Variants in PLCXD3 observed in about 807,000 individuals in gnomAD.
PLCXD3 encodes the protein phosphatidylinositol specific phospholipase C X domain containing 3, also known as PI-PLC X domain-containing protein 3.
In PLCXD3, 19 loss-of-function variants were observed where a neutral mutation model predicts 25.5. The observed-to-expected ratio is 0.75, with a 90% confidence interval of 0.52 to 1.09. The LOEUF is 1.09. Among genes scored for constraint, PLCXD3 ranks in the 50% least tolerant of loss-of-function variants. The pLI is 0.00. For missense variants in PLCXD3, 411 were observed against 388.1 expected (o/e 1.06, Z -0.50); for synonymous variants, 174 against 137.6 (o/e 1.26, Z -1.85).
intron 2 of PLCXD3, among the ~76,000 whole-genome samples, chr5:41,328,997 C>T (rs1743711671): frequency 6.6e-6 from 1 of 152,168 alleles, no homozygotes; most frequent in African/African-American, 2.4e-5. Context: ...TGAACAATGG[C>T]CACTAGAGGT....
rs562380112 is a variant in PLCXD3, at chr5:41,312,984, A to G, written c.*633T>C. ...ATATTTATAGCTGCCTTAAATAGAAATACTGTGAAACACTATTATTTTCAT... is the reference window on the plus strand; with the variant it reads ...ATATTTATAGCTGCCTTAAATAGAAGTACTGTGAAACACTATTATTTTCAT... On this transcript the variant is annotated 3_prime_UTR_variant, in exon 3 of 3. Transcript: ENST00000377801. 6.6e-6 allele frequency: 1 copy of G among 152,610 alleles called. No individual in the cohort carries two copies. 9.5% of individuals were successfully genotyped at this position (152,610 alleles called of 1,614,324 possible). A position where few individuals can be genotyped will look rare whatever the true frequency, so the allele number is the denominator to read the frequency against.
At chr5:41,335,008 T>C (rs1743939835) in intron 2 of PLCXD3, among the ~76,000 whole-genome samples, 1 of 152,190 alleles carries the variant, frequency 6.6e-6, no homozygotes, top group Admixed American at 6.5e-5. Context: ...AGATTTCGAT[T>C]GCCAGGAAAC....
chr5:41,487,144 C>A (rs1435446840), intron 1 of PLCXD3, among the ~76,000 whole-genome samples: 2 of 152,106 alleles, frequency 1.3e-5, no homozygotes, highest in African/African-American at 4.8e-5. Context: ...TGTGATTGCA[C>A]TTGTAGTGCC....
rs564381397 is a variant in PLCXD3, at chr5:41,324,552, G to C, written c.813-10782C>G. On this transcript the variant is annotated intron_variant, in intron 2 of 2. Coordinates refer to ENST00000377801, the MANE Select transcript of PLCXD3 (RefSeq NM_001005473.3). ...GAGACATTTGGTCCCCACAGCAATA[G>C]TTTTAGAAGATAATTCTATCTTAAA... Among the ~76,000 whole-genome samples, 7 of 152,274 alleles carry C rather than the reference G, an allele frequency of 4.6e-5. 1 individual carries two copies. Among genetic ancestry groups the C allele is most frequent in the African/African-American group, 1.4e-4 (6 of 41,554 alleles).
At chr5:41,478,277 A>C (rs1386755212) in intron 1 of PLCXD3, among the ~76,000 whole-genome samples, 1 of 152,236 alleles carries the variant, frequency 6.6e-6, no homozygotes, top group Non-Finnish European at 1.5e-5. Flanking sequence ...AAAGGGCTTG[A>C]CATAGATACT....
At chr5:41,352,052 A>C (rs762714503) in intron 2 of PLCXD3, among the ~76,000 whole-genome samples, 34 of 152,248 alleles carry the variant, frequency 2.2e-4, no homozygotes, top group Non-Finnish European at 4.4e-4. Context: ...GTATTAACTT[A>C]TGCAAGCTAA....
intron 1 of PLCXD3, among the ~76,000 whole-genome samples, chr5:41,506,986 C>A (rs1458702969): frequency 6.6e-6 from 1 of 152,098 alleles, no homozygotes; most frequent in Non-Finnish European, 1.5e-5. Flanking sequence ...TTAGAGAATG[C>A]AAAGCAGACC....
chr5:41,437,523 G>C (rs990130694), intron 1 of PLCXD3, among the ~76,000 whole-genome samples: 1 of 152,202 alleles, frequency 6.6e-6, no homozygotes, highest in African/African-American at 2.4e-5. Context: ...TGAAAAGGAA[G>C]GAGCAATGGA....
At chr5:41,407,214 G>A (rs1467401469) in intron 1 of PLCXD3, among the ~76,000 whole-genome samples, 1 of 152,142 alleles carries the variant, frequency 6.6e-6, no homozygotes, top group African/African-American at 2.4e-5. Context: ...TATGTAACTG[G>A]ATAGGCAGTG....
At chr5:41,340,427 C>T (rs2150477503) in intron 2 of PLCXD3, among the ~76,000 whole-genome samples, 1 of 152,238 alleles carries the variant, frequency 6.6e-6, no homozygotes, top group Non-Finnish European at 1.5e-5. Flanking sequence ...AGTTTCTCTG[C>T]CCTAGACCAG....
chr5:41,473,632 A>AT (rs1162124454), intron 1 of PLCXD3, among the ~76,000 whole-genome samples: 1 of 150,782 alleles, frequency 6.6e-6, no homozygotes, highest in African/African-American at 2.4e-5. Flanking sequence ...TTTTTTTTGT[A>AT]TTTTTAATAG....
chr5:41,501,712 TA>T (rs58480603), intron 1 of PLCXD3, among the ~76,000 whole-genome samples: 16,915 of 151,780 alleles, frequency 0.11, 1,359 homozygotes, highest in African/African-American at 0.23. Context: ...TTTACCACAA[TA>T]AAAAAAATAA....
In PLCXD3 at chr5:41,312,831, A is replaced by G. The variant is rs140169228; in HGVS notation, c.*786T>C. ...TTAACACACTTGTACCTTACCATTT[A>G]CTGGGTACTTGCAGGGCAATATTAT... On this transcript the variant is annotated 3_prime_UTR_variant, in exon 3 of 3. Transcript: ENST00000377801. 2.6e-5 allele frequency: 4 copies of G among 152,306 alleles called. No individual in the cohort carries two copies. The highest frequency in any genetic ancestry group is 9.7e-5 in the African/African-American group (4 of 41,354). The allele number at this position is 152,306 out of a possible 1,614,324, so 9.4% of individuals were successfully genotyped here. A position where few individuals can be genotyped will look rare whatever the true frequency, so the allele number is the denominator to read the frequency against.
chr5:41,333,520 T>C (rs981154488), intron 2 of PLCXD3, among the ~76,000 whole-genome samples: 6 of 152,176 alleles, frequency 3.9e-5, no homozygotes, highest in Non-Finnish European at 5.9e-5. Context: ...GACAAATGTG[T>C]GTCATAAATC....
chr5:41,444,679 G>A (rs1159364265), intron 1 of PLCXD3, among the ~76,000 whole-genome samples: 3 of 151,434 alleles, frequency 2.0e-5, no homozygotes, highest in Admixed American at 1.3e-4. Flanking sequence ...AGATAATGAT[G>A]TTAATAGAAA....
intron 1 of PLCXD3, among the ~76,000 whole-genome samples, chr5:41,493,218 T>A (rs184251618): frequency 1.0e-3 from 152 of 152,340 alleles, no homozygotes; most frequent in African/African-American, 3.6e-3. Flanking sequence ...TTTGCCTGGG[T>A]ACCAGCAGGG....
In PLCXD3 at chr5:41,440,215, A is replaced by ATTTTTT. The variant is rs70988846; in HGVS notation, c.104-57687_104-57682dup. ...TCTGAGCAAATTACATAATCTCTCA[A>ATTTTTT]TTTTTTTTTTTTTTTTTTTTTTTTT... On this transcript the variant is annotated intron_variant, in intron 1 of 2. Transcript: ENST00000377801. Among the ~76,000 whole-genome samples, 49 of 41,080 alleles carry ATTTTTT rather than the reference A, an allele frequency of 1.2e-3. 13 individuals carry two copies. The highest frequency in any genetic ancestry group is 3.1e-3 in the African/African-American group (30 of 9,610). The allele number at this position is 41,080 out of a possible 152,430, so 27.0% of individuals were successfully genotyped here. A position where few individuals can be genotyped will look rare whatever the true frequency, so the allele number is the denominator to read the frequency against.
In PLCXD3 at chr5:41,404,133, T is replaced by C. The variant is rs575339499; in HGVS notation, c.104-21599A>G. On this transcript the variant is annotated intron_variant, in intron 1 of 2. Coordinates refer to ENST00000377801, the MANE Select transcript of PLCXD3 (RefSeq NM_001005473.3). Reference sequence around the variant, plus strand: ...GCAATGGAGTGCACTGAAAGCATCATTGAAAGAATTTTTGGAAAAATAGGC... The same window carrying C: ...GCAATGGAGTGCACTGAAAGCATCACTGAAAGAATTTTTGGAAAAATAGGC... Among the ~76,000 whole-genome samples the C allele has an allele frequency of 7.2e-5, 11 of 152,178 alleles. No homozygotes were observed. In the East Asian group the frequency reaches 1.9e-3, roughly 27 times the overall value.
At position 41,382,582 on chromosome 5, in the gene PLCXD3, C is replaced by T. The variant is rs140177675; in HGVS notation, c.104-48G>A. On this transcript the variant is annotated intron_variant, in intron 1 of 2. Coordinates refer to ENST00000377801, the MANE Select transcript of PLCXD3 (RefSeq NM_001005473.3). ...TGTGGTTAATTTCCACGTCTTTGCC[C>T]TTCCCACCTTCTTTCCCTCTTGCAA... is the stretch of plus-strand genomic sequence containing the variant. 635 of 1,409,314 alleles carry T rather than the reference C, an allele frequency of 4.5e-4. 1 individual carries two copies. The African/African-American group carries it at 8.3e-3, about 18-fold the overall frequency. 87.3% of individuals were successfully genotyped at this position (1,409,314 alleles called of 1,614,324 possible). A position where few individuals can be genotyped will look rare whatever the true frequency, so the allele number is the denominator to read the frequency against.
Sources: allele counts gnomAD v4.1 joint callset (sites outside exome capture counted in the v4.1 genomes callset), GRCh38; gene constraint gnomAD v4.1.1; transcripts MANE v1.5; gene names NCBI Gene and HGNC (gene_info 2026-07-23, HGNC 2026-07-21).